Variants in APBA1 observed in about 807,000 individuals in gnomAD.
The protein encoded by APBA1 is amyloid-beta A4 precursor protein-binding family A member 1.
In APBA1, 55 loss-of-function variants were observed where a neutral mutation model predicts 86.6. That is an observed-to-expected ratio of 0.64 (90% confidence interval 0.51 to 0.80). The LOEUF is 0.80. Among genes scored for constraint, APBA1 ranks in the 30% least tolerant of loss-of-function variants. The pLI, the probability that APBA1 is intolerant of heterozygous loss-of-function variation, is 0.00. For missense variants in APBA1, 1,090 were observed against 1,183.0 expected (o/e 0.92, Z 1.15); for synonymous variants, 511 against 493.9 (o/e 1.03, Z -0.46).
chr9:69,447,901 G>A (rs1229439563), intron 10 of APBA1, among the ~76,000 whole-genome samples: 9 of 152,056 alleles, frequency 5.9e-5, no homozygotes, highest in Admixed American at 3.9e-4. Context: ...CTGTGTCCAC[G>A]GGGCCCCTGG....
intron 9 of APBA1, among the ~76,000 whole-genome samples, chr9:69,451,427 C>A (rs1236973674): frequency 6.6e-6 from 1 of 152,200 alleles, no homozygotes; most frequent in African/African-American, 2.4e-5. Flanking sequence ...CAAGTCCAAA[C>A]CCCTCAGCTG....
chr9:69,459,320 C>G (rs1835153110), intron 5 of APBA1, among the ~76,000 whole-genome samples: 1 of 152,194 alleles, frequency 6.6e-6, no homozygotes, highest in African/African-American at 2.4e-5. Context: ...AGGTGGTTAA[C>G]AGTATTGTTC....
At chr9:69,467,179 T>C (rs1451789584) in intron 5 of APBA1, among the ~76,000 whole-genome samples, 1 of 152,256 alleles carries the variant, frequency 6.6e-6, no homozygotes, top group African/African-American at 2.4e-5. Flanking sequence ...CAGTTCTGGA[T>C]GGTTCAAACT....
chr9:69,623,292 G>A (rs1481543122), intron 1 of APBA1, among the ~76,000 whole-genome samples: 7 of 152,074 alleles, frequency 4.6e-5, no homozygotes, highest in Admixed American at 3.9e-4. Context: ...GGTTCAAGGA[G>A]AGCCTCATTT....
intron 1 of APBA1, among the ~76,000 whole-genome samples, chr9:69,567,830 C>T (rs1468522406): frequency 6.6e-6 from 1 of 152,114 alleles, no homozygotes; most frequent in Non-Finnish European, 1.5e-5. Context: ...CAGCACCCAC[C>T]CTCCACCTTG....
intron 1 of APBA1, among the ~76,000 whole-genome samples, chr9:69,668,843 C>G (rs1377076185): frequency 6.6e-6 from 1 of 152,176 alleles, no homozygotes; most frequent in Non-Finnish European, 1.5e-5. Context: ...TCTCTGCCAA[C>G]CCAAATGCCA....
chr9:69,499,469 G>A (rs1835848423), intron 2 of APBA1, among the ~76,000 whole-genome samples: 1 of 152,058 alleles, frequency 6.6e-6, no homozygotes, highest in Non-Finnish European at 1.5e-5. Context: ...TCAGCAAGAG[G>A]AAATCTCTCA....
intron 1 of APBA1, among the ~76,000 whole-genome samples, chr9:69,641,224 G>GA (rs902324627): frequency 5.9e-5 from 9 of 151,512 alleles, no homozygotes; most frequent in African/African-American, 2.2e-4. Context: ...ACATACTTAG[G>GA]AAAAAAAACA....
In APBA1 at chr9:69,613,138, TTA is replaced by T. The variant is rs556321051; in HGVS notation, c.-70+59013_-70+59014del. Among the ~76,000 whole-genome samples, 870 of 152,274 alleles carry T rather than the reference TTA, an allele frequency of 5.7e-3. 8 individuals carry two copies. Among genetic ancestry groups the T allele is most frequent in the Non-Finnish European group, 0.011 (720 of 67,962 alleles). On this transcript the variant is annotated intron_variant, in intron 1 of 12. Coordinates refer to ENST00000265381, the MANE Select transcript of APBA1 (RefSeq NM_001163.4). The stretch of plus-strand genomic sequence containing the variant: ...TTGGTTATAATTAGAAGGAAATTAT[TTA>T]TGTCTTTCTAAATATTGAGCTTTGA...
chr9:69,545,969 G>T (rs1836690715), intron 1 of APBA1, among the ~76,000 whole-genome samples: 1 of 152,160 alleles, frequency 6.6e-6, no homozygotes, highest in Admixed American at 6.5e-5. Context: ...TTCTGCTTTA[G>T]CTAGAGGGAA....
rs763525817 is a variant in APBA1 at position 69,636,826 on chromosome 9, AGAGAGGGAGGGAGGGAGGGAGGGAGG to A, written c.-70+35301_-70+35326del. On this transcript the variant is annotated intron_variant, in intron 1 of 12. Coordinates refer to ENST00000265381, the MANE Select transcript of APBA1 (RefSeq NM_001163.4). ...AGAAGAGAGAGAGAGAGAGAGAGAGAGAGAGGGAGGGAGGGAGGGAGGGAGGGAGGGAGGGAGGGAGAGAGAAAGAA... is the reference window on the plus strand; with the variant it reads ...AGAAGAGAGAGAGAGAGAGAGAGAGAGAGGGAGGGAGGGAGAGAGAAAGAA... 1.5e-3 allele frequency among the ~76,000 whole-genome samples: 48 copies of A among 32,604 alleles called. 6 individuals are homozygous for A. The highest frequency in any genetic ancestry group is 6.3e-4 in the Admixed American group (2 of 3,200). The allele number at this position is 32,604 out of a possible 152,430, so 21.4% of individuals were successfully genotyped here.
intron 2 of APBA1, among the ~76,000 whole-genome samples, chr9:69,482,088 A>G (rs2133845962): frequency 6.6e-6 from 1 of 151,910 alleles, no homozygotes; most frequent in Non-Finnish European, 1.5e-5. Context: ...AAAACACCAA[A>G]AGCAATGGCA....
chr9:69,471,354 A>G (rs1049207647), intron 4 of APBA1, among the ~76,000 whole-genome samples: 1 of 152,184 alleles, frequency 6.6e-6, no homozygotes, highest in Non-Finnish European at 1.5e-5. Context: ...CAGAATAAGG[A>G]GACTTGGGTT....
intron 1 of APBA1, among the ~76,000 whole-genome samples, chr9:69,560,408 C>G (rs534560829): frequency 2.6e-5 from 4 of 152,190 alleles, no homozygotes; most frequent in African/African-American, 9.6e-5. Flanking sequence ...TGGCTCTTAA[C>G]TAAGAGCAAG....
In APBA1 at chr9:69,515,132, C is replaced by G. The variant is rs374823881; in HGVS notation, c.1200+879G>C. 8.5e-5 allele frequency among the ~76,000 whole-genome samples: 13 copies of G among 152,258 alleles called. 1 individual carries two copies. In the South Asian group the frequency reaches 2.7e-3, roughly 32 times the overall value. On this transcript the variant is annotated intron_variant, in intron 2 of 12. Coordinates refer to ENST00000265381, the MANE Select transcript of APBA1 (RefSeq NM_001163.4). ...AGAGAAACAAAATGAAGAAATACCCCCAACCTTTTGTGTTCTGGGAAACTC... is the reference window on the plus strand; with the variant it reads ...AGAGAAACAAAATGAAGAAATACCCGCAACCTTTTGTGTTCTGGGAAACTC...
chr9:69,604,095 G>C (rs902510280), intron 1 of APBA1, among the ~76,000 whole-genome samples: 5 of 152,244 alleles, frequency 3.3e-5, no homozygotes, highest in African/African-American at 7.2e-5. Flanking sequence ...AGTGTATAGT[G>C]AGGACAAGTC....
At chr9:69,559,234 T>C (rs11139337) in intron 1 of APBA1, among the ~76,000 whole-genome samples, 5,343 of 152,250 alleles carry the variant, frequency 0.035, 164 homozygotes, top group Non-Finnish European at 0.053. Context: ...TTAAAAAATA[T>C]ATTCTTTCTG....
In APBA1 at chr9:69,523,495, A is replaced by ATG. The variant is rs1554696991; in HGVS notation, c.-69-6218_-69-6217dup. Among the ~76,000 whole-genome samples the ATG allele has an allele frequency of 4.0e-4, 6 of 14,842 alleles. No individual in the cohort carries two copies. In the South Asian group the frequency reaches 0.012, roughly 29 times the overall value. 9.7% of individuals were successfully genotyped at this position (14,842 alleles called of 152,430 possible). A position where few individuals can be genotyped will look rare whatever the true frequency, so the allele number is the denominator to read the frequency against. On this transcript the variant is annotated intron_variant, in intron 1 of 12. Coordinates refer to ENST00000265381, the MANE Select transcript of APBA1 (RefSeq NM_001163.4). ...TATATATGTATATATATATATATATATGTATATATATATATATATATATAT... is the reference window on the plus strand; with the variant it reads ...TATATATGTATATATATATATATATATGTGTATATATATATATATATATATAT...
At chr9:69,598,694 G>A (rs1221981847) in intron 1 of APBA1, among the ~76,000 whole-genome samples, 3 of 152,116 alleles carry the variant, frequency 2.0e-5, no homozygotes, top group East Asian at 3.9e-4. Flanking sequence ...GCCTACAAGA[G>A]GACAAGGTTC....
Sources: gnomAD v4.1 joint callset for allele counts (sites outside exome capture counted in the v4.1 genomes callset) on GRCh38, gnomAD v4.1.1 for gene constraint, MANE v1.5 for transcripts, NCBI Gene and HGNC (gene_info 2026-07-23, HGNC 2026-07-21) for gene names.